CLCN6: variants seen among roughly 807,000 people sequenced by gnomAD.
The protein encoded by CLCN6 is H(+)/Cl(-) exchange transporter 6.
A neutral mutation model predicts 109.8 loss-of-function variants in CLCN6; 70 were observed. The ratio of observed to expected loss-of-function variants is 0.64; its 90% CI spans 0.53 to 0.78. The LOEUF (loss-of-function observed/expected upper bound fraction) is 0.78. Among genes scored for constraint, CLCN6 ranks in the 30% least tolerant of loss-of-function variants. CLCN6 has a pLI of 0.00. For missense variants in CLCN6, 984 were observed against 1,142.3 expected (o/e 0.86, Z 2.00); for synonymous variants, 444 against 447.8 (o/e 0.99, Z 0.11).
At chr1:11,835,417 G>C (rs1021657167) in intron 17 of CLCN6, among the ~76,000 whole-genome samples, 2 of 152,134 alleles carry the variant, frequency 1.3e-5, no homozygotes, top group African/African-American at 4.8e-5. Context: ...GATCACAGGC[G>C]CGTGCCACCA....
chr1:11,812,263 A>G (rs6699270), intron 2 of CLCN6, among the ~76,000 whole-genome samples: 20,102 of 152,184 alleles, frequency 0.13, 1,518 homozygotes, highest in African/African-American at 0.21. Context: ...GTTTATTAAT[A>G]AAGGATATCA....
chr1:11,816,518 C>A, intron 3 of CLCN6, 97 bp from the exon 4 acceptor site: 1 of 1,079,406 alleles, frequency 9.3e-7, no homozygotes, highest in Non-Finnish European at 1.4e-6. Context: ...CTGCTCTCCA[C>A]GTGGAATTTA....
chr1:11,821,833 A>G (rs1644747782), intron 5 of CLCN6, among the ~76,000 whole-genome samples: 1 of 152,250 alleles, frequency 6.6e-6, no homozygotes, highest in South Asian at 2.1e-4. Context: ...GTACATTCAT[A>G]TGGTATCATT....
chr1:11,838,384 C>T lies in CLCN6; in HGVS notation c.2345C>T (p.Pro782Leu), dbSNP rs755723649. ...TATGCCGAGATGGCCGAGGACTACC[C>T]GCGGTACCCCGACATCCACGACCTG... is the stretch of plus-strand genomic sequence containing the variant. ...LSYAEMAEDY[P>L]RYPDIHDLDL... is the part of the protein sequence containing the mutation. The change falls in exon 21 of 23, where the codon CCG becomes CTG. Residue 782 changes from proline (P) to leucine (L), a missense_variant. Physicochemically the swap from Pro to Leu is moderately conservative, Grantham distance 98. Transcript: ENST00000346436. 2.2e-5 allele frequency: 35 copies of T among 1,613,746 alleles called. No individual in the cohort carries two copies. In the South Asian group the frequency reaches 2.2e-4, roughly 10 times the overall value.
intron 7 of CLCN6, among the ~76,000 whole-genome samples, chr1:11,824,202 G>A (rs921675935): frequency 5.3e-5 from 8 of 152,222 alleles, no homozygotes; most frequent in African/African-American, 1.7e-4. Context: ...ATTTAAGAAC[G>A]TAAAAGCCAG....
At chr1:11,838,194 T>G in intron 20 of CLCN6, 141 bp from the exon 21 acceptor site, 1 of 752,650 alleles carries the variant, frequency 1.3e-6, no homozygotes, top group South Asian at 1.5e-5. Context: ...GAGCTCTCAC[T>G]CTGGAGCGCT....
In CLCN6 at chr1:11,815,922, C is replaced by A. The variant is rs146547070; in HGVS notation, c.213+11C>A. On this transcript the variant is annotated intron_variant, in intron 3 of 22. Transcript: ENST00000346436. ...ACCATGGATAATAAGGTGGGTCTTA[C>A]AATTCTTCATCTCTGGGGATCAAAT... 7.3e-3 allele frequency: 11,583 copies of A among 1,595,344 alleles called. 65 individuals carry two copies. The highest frequency in any genetic ancestry group is 8.7e-3 in the Non-Finnish European group (10,090 of 1,162,866).
chr1:11,826,275 C>A, intron 9 of CLCN6, 61 bp downstream of exon 9: 1 of 1,323,162 alleles, frequency 7.6e-7, no homozygotes, highest in South Asian at 1.2e-5. Context: ...CGCTGCGGGT[C>A]AGACTCGACA....
chr1:11,838,744 G>A (rs1303604931), intron 22 of CLCN6, 84 bp downstream of exon 22: 31 of 1,591,992 alleles, frequency 1.9e-5, no homozygotes, highest in Non-Finnish European at 2.6e-5. Flanking sequence ...CTTCTCACCA[G>A]AAACGTAGGC....
rs1644777488 is a variant in CLCN6, at chr1:11,823,793, G to T, written c.540G>T (p.Leu180=). 1 of 1,614,282 alleles carries T rather than the reference G, an allele frequency of 6.2e-7. No homozygotes were observed. The highest frequency in any genetic ancestry group is 8.5e-7 in the Non-Finnish European group (1 of 1,180,050). The part of the protein sequence containing the change: ...KVPGIVRLRT[L]LCKVLGVLFS... ...CAGGAATCGTCCGTCTCCGGACCCT[G>T]CTCTGCAAGGTCCTTGGAGTGCTGT... Residue 180 remains leucine, a synonymous_variant, in exon 7 of 23, where the codon CTG becomes CTT. Transcript: ENST00000346436.
chr1:11,833,055 A>G (rs1025597909), intron 13 of CLCN6, among the ~76,000 whole-genome samples: 2 of 150,860 alleles, frequency 1.3e-5, no homozygotes, highest in Non-Finnish European at 2.9e-5. Flanking sequence ...CAGCAAAATC[A>G]AAGGCTTTTT....
rs933086400 is a variant in CLCN6, at chr1:11,837,444, G to A, written c.2240G>A (p.Arg747Gln). The A allele has an allele frequency of 8.7e-6, 14 of 1,614,144 alleles. No individual in the cohort carries two copies. Among genetic ancestry groups the A allele is most frequent in the Non-Finnish European group, 1.1e-5 (13 of 1,180,000 alleles). ...RPLTFHGLIL[R>Q]SQLVTLLVRG... is the part of the protein sequence containing the mutation. ...CTGACCTTCCACGGCCTGATCCTTC[G>A]GTCGCAGCTTGTCACCCTGCTTGTC... Residue 747 changes from arginine (R) to glutamine (Q), a missense_variant, in exon 20 of 23, where the codon CGG becomes CAG. By Grantham distance (43) the Arg-to-Gln change is conservative. Coordinates refer to ENST00000346436, the MANE Select transcript of CLCN6 (RefSeq NM_001286.5).
chr1:11,811,332 G>A (rs952023535), intron 2 of CLCN6, among the ~76,000 whole-genome samples: 4 of 152,106 alleles, frequency 2.6e-5, no homozygotes, highest in Non-Finnish European at 5.9e-5. Flanking sequence ...CAATTCAATG[G>A]GGTTTTAAAA....
intron 3 of CLCN6, 97 bp from the exon 4 acceptor site, chr1:11,816,518 C>T (rs966039012): frequency 1.8e-5 from 19 of 1,079,412 alleles, no homozygotes; most frequent in Admixed American, 4.1e-5. Flanking sequence ...CTGCTCTCCA[C>T]GTGGAATTTA....
chr1:11,820,937 A>G lies in CLCN6; in HGVS notation c.346+1383A>G, dbSNP rs868464824. Among the ~76,000 whole-genome samples the G allele has an allele frequency of 4.0e-5, 6 of 151,592 alleles. No individual in the cohort carries two copies. In the South Asian group the frequency reaches 1.3e-3, roughly 32 times the overall value. On this transcript the variant is annotated intron_variant, in intron 5 of 22. Transcript: ENST00000346436. ...TAAAAGTACAAAAAATTAGCTGGGCATGGTGGCGGGTGCCTGTAATCCCAG... is the reference window on the plus strand; with the variant it reads ...TAAAAGTACAAAAAATTAGCTGGGCGTGGTGGCGGGTGCCTGTAATCCCAG...
intron 20 of CLCN6, 68 bp from the exon 21 acceptor site, chr1:11,838,267 G>T: frequency 7.2e-7 from 1 of 1,389,008 alleles, no homozygotes; most frequent in Non-Finnish European, 1.0e-6. Context: ...ATCAAGGGGA[G>T]GGGCTCTAAG....
rs774913905 is a variant in CLCN6 at position 11,840,245 on chromosome 1, G to A, written c.*22G>A. 24 of 1,602,064 alleles carry A rather than the reference G, an allele frequency of 1.5e-5. No homozygotes were observed. In the South Asian group the frequency reaches 2.5e-4, roughly 17 times the overall value. ...CTGACAGCCCAGCCCACCCTCTCCT[G>A]GTGCTGCCTGGGGAGGCAAATCATG... is the stretch of plus-strand genomic sequence containing the variant. On this transcript the variant is annotated 3_prime_UTR_variant, in exon 23 of 23. Coordinates refer to ENST00000346436, the MANE Select transcript of CLCN6 (RefSeq NM_001286.5).
chr1:11,834,160 G>A lies in CLCN6; in HGVS notation c.1527-76G>A. On this transcript the variant is annotated intron_variant, in intron 15 of 22. Coordinates refer to ENST00000346436, the MANE Select transcript of CLCN6 (RefSeq NM_001286.5). This position sits in a 1 kb window ranked among gnomAD's most constrained non-coding sequence, Gnocchi z 4.5. ...CATGCACATATGTGCATAGGCACAA[G>A]AGTATGAGCTGTAGGTCCTCCCCAC... is the stretch of plus-strand genomic sequence containing the variant. 1 of 1,594,676 alleles carries A rather than the reference G, an allele frequency of 6.3e-7. No homozygotes were observed. Among genetic ancestry groups the A allele is most frequent in the East Asian group, 2.2e-5 (1 of 44,656 alleles).
intron 5 of CLCN6, among the ~76,000 whole-genome samples, chr1:11,821,083 AC>A (rs1201857627): frequency 0.032 from 3,986 of 123,356 alleles, 183 homozygotes; most frequent in African/African-American, 0.11. Context: ...TCAAAAAACA[AC>A]AACAAAAAAA....
Sources: allele counts gnomAD v4.1 joint callset (sites outside exome capture counted in the v4.1 genomes callset), GRCh38; gene constraint gnomAD v4.1.1; non-coding constraint Gnocchi (gnomAD v3.1); transcripts MANE v1.5; gene names NCBI Gene and HGNC (gene_info 2026-07-23, HGNC 2026-07-21).